EFHC1: variants seen among roughly 807,000 people sequenced by gnomAD.
EFHC1 encodes EF-hand domain-containing protein 1.
Under a neutral mutation model 69.9 loss-of-function variants are expected in EFHC1, and 53 were observed. The observed-to-expected ratio is 0.76, with a 90% CI of 0.61 to 0.95. The LOEUF is 0.95. EFHC1 is among the 40% of genes least tolerant of loss of function. The probability of loss-of-function intolerance (pLI) is 0.00; values close to 1 mark genes in which losing one functional copy is unlikely to be tolerated. For synonymous variants in EFHC1, 256 were observed against 278.4 expected (o/e 0.92, Z 0.80); for missense variants, 739 against 798.7 (o/e 0.93, Z 0.90).
At chr6:52,422,282 C>T (rs112344071) in intron 1 of EFHC1, among the ~76,000 whole-genome samples, 2 of 152,286 alleles carry the variant, frequency 1.3e-5, no homozygotes, top group African/African-American at 4.8e-5. Context: ...ACTGAAGTCA[C>T]TGATGTTGCT....
Position 52,469,439 on chromosome 6 carries a change from A to G in EFHC1, c.1244A>G (p.Asn415Ser), listed in dbSNP as rs560939768. ...AAAGACGTTATTAAAATGCTGGTGA[A>G]TGATAACAAGGTGCTTCGTTATTTG... ...PKKDVIKMLV[N>S]DNKVLRYLAV... The change falls in exon 7 of 11, where the codon AAT becomes AGT. Residue 415 changes from asparagine to serine, a missense_variant. Transcript: ENST00000371068. 6.2e-7 allele frequency: 1 copy of G among 1,614,026 alleles called. No homozygotes were observed. Among genetic ancestry groups the G allele is most frequent in the Admixed American group, 1.7e-5 (1 of 60,026 alleles).
chr6:52,424,721 C>T (rs1174503301), intron 2 of EFHC1, among the ~76,000 whole-genome samples: 2 of 152,158 alleles, frequency 1.3e-5, no homozygotes, highest in African/African-American at 4.8e-5. Flanking sequence ...TCCTCATTTC[C>T]ATCTATTGAC....
intron 7 of EFHC1, among the ~76,000 whole-genome samples, chr6:52,474,139 C>A (rs887727325): frequency 1.3e-5 from 2 of 151,970 alleles, no homozygotes; most frequent in Non-Finnish European, 2.9e-5. Context: ...ATAATGAGAC[C>A]CTATCGCTAC....
Position 52,468,332 on chromosome 6 carries a change from A to G in EFHC1, c.1138-1001A>G, listed in dbSNP as rs143122071. 698 of 152,310 alleles carry G rather than the reference A, an allele frequency of 4.6e-3. 1 individual carries two copies. The highest frequency in any genetic ancestry group is 6.9e-3 in the Non-Finnish European group (470 of 68,046). The allele number at this position is 152,310 out of a possible 1,614,324, so 9.4% of individuals were successfully genotyped here. A position where few individuals can be genotyped will look rare whatever the true frequency, so the allele number is the denominator to read the frequency against. On this transcript the variant is annotated intron_variant, in intron 6 of 10. Transcript: ENST00000371068. Reference sequence around the variant, plus strand: ...AGTCAGATGAGTGTTCATCTAGTTTACAACGGGACCCACCCAAGCAGTAGC... The same window carrying G: ...AGTCAGATGAGTGTTCATCTAGTTTGCAACGGGACCCACCCAAGCAGTAGC...
chr6:52,420,910 A>AC (rs369406500), intron 1 of EFHC1: 12 of 557,310 alleles, frequency 2.2e-5, no homozygotes, highest in Middle Eastern at 9.0e-4. Flanking sequence ...CGCCCTTAAA[A>AC]CCCCCCGCCA....
chr6:52,448,245 G>A (rs908190951), intron 3 of EFHC1, among the ~76,000 whole-genome samples: 4 of 152,246 alleles, frequency 2.6e-5, no homozygotes, highest in African/African-American at 9.6e-5. Flanking sequence ...CAGCTGCTTT[G>A]TTTAGCTGCT....
chr6:52,432,109 T>C (rs1012772291), intron 2 of EFHC1, among the ~76,000 whole-genome samples: 2 of 152,170 alleles, frequency 1.3e-5, no homozygotes, highest in African/African-American at 4.8e-5. Context: ...GGTGAGTCTC[T>C]TGAAGGCAGC....
At chr6:52,464,671 A>G (rs1342727364) in intron 5 of EFHC1, among the ~76,000 whole-genome samples, 1 of 152,230 alleles carries the variant, frequency 6.6e-6, no homozygotes, top group Admixed American at 6.5e-5. Flanking sequence ...TGAGCTGAAT[A>G]TGGGAGAGAG....
chr6:52,425,609 C>T (rs1038150559), intron 2 of EFHC1, among the ~76,000 whole-genome samples: 2 of 152,002 alleles, frequency 1.3e-5, no homozygotes, highest in African/African-American at 4.8e-5. Context: ...GGATAGTGCA[C>T]ATAAAAATAT....
At chr6:52,425,410 A>G (rs559246831) in intron 2 of EFHC1, among the ~76,000 whole-genome samples, 2 of 152,338 alleles carry the variant, frequency 1.3e-5, no homozygotes, top group South Asian at 4.1e-4. Context: ...TGAAAAGAAT[A>G]GTAAGTAACT....
intron 2 of EFHC1, among the ~76,000 whole-genome samples, chr6:52,432,081 A>G (rs1430455389): frequency 1.3e-5 from 2 of 152,074 alleles, no homozygotes; most frequent in Non-Finnish European, 2.9e-5. Flanking sequence ...TTAAATTTAC[A>G]TGAGTCCTTA....
intron 10 of EFHC1, chr6:52,490,774 G>A (rs953247403): frequency 1.2e-5 from 3 of 244,158 alleles, no homozygotes; most frequent in Non-Finnish European, 2.4e-5. Flanking sequence ...ACCACTGCAG[G>A]AGGGCTGTGG....
chr6:52,423,693 TAGA>T, intron 1 of EFHC1: 1 of 534,698 alleles, frequency 1.9e-6, no homozygotes, highest in Non-Finnish European at 3.2e-6. Context: ...TTAGTTTTTG[TAGA>T]GACAGCATCT....
rs754483740 is a variant in EFHC1 at position 52,469,409 on chromosome 6, C to CA, written c.1221dup (p.Asp408ArgfsTer4). The CA allele has an allele frequency of 5.0e-6, 8 of 1,613,634 alleles. No homozygotes were observed. In the African/African-American group the frequency reaches 5.3e-5, roughly 11 times the overall value. On this transcript the variant is annotated frameshift_variant, in exon 7 of 11. Transcript: ENST00000371068. LOFTEE classifies it high-confidence loss of function. ...TGTTTTGCTCTCATTCCAAAAGCTC[C>CA]AAAAAAAGACGTTATTAAAATGCTG...
intron 2 of EFHC1, chr6:52,437,441 T>C (rs183308784): frequency 2.6e-5 from 4 of 152,318 alleles, no homozygotes; most frequent in Admixed American, 2.6e-4. Flanking sequence ...TCAGCAAACT[T>C]TTTCTGTAAA....
chr6:52,454,501 A>C (rs1236424497), intron 5 of EFHC1, among the ~76,000 whole-genome samples: 1 of 152,182 alleles, frequency 6.6e-6, no homozygotes, highest in Non-Finnish European at 1.5e-5. Context: ...TCAAGGAAAC[A>C]AAACCAAAAC....
chr6:52,423,857 A>T (rs1328101407), intron 1 of EFHC1, 89 bp from the exon 2 acceptor site: 2 of 1,572,040 alleles, frequency 1.3e-6, no homozygotes, highest in East Asian at 2.4e-5. Context: ...ATAAGCAAAG[A>T]TTCAAGTTAT....
Position 52,494,283 on chromosome 6 carries a change from T to G in EFHC1, c.*1942T>G. The G allele has an allele frequency of 2.2e-6, 1 of 454,130 alleles. No homozygotes were observed. The highest frequency in any genetic ancestry group is 4.4e-6 in the Non-Finnish European group (1 of 226,798). 28.1% of individuals were successfully genotyped at this position (454,130 alleles called of 1,614,324 possible). A position where few individuals can be genotyped will look rare whatever the true frequency, so the allele number is the denominator to read the frequency against. On this transcript the variant is annotated 3_prime_UTR_variant, in exon 11 of 11. Transcript: ENST00000371068. ...TTTTTCAGCTTAAAAATTACCAAGC[T>G]CTATCCTACTTGGCCCAGCTCAGTC...
At position 52,465,078 on chromosome 6, in the gene EFHC1, T is replaced by C. The variant is rs1256596400; in HGVS notation, c.1100T>C (p.Ile367Thr). Residue 367 changes from isoleucine to threonine, a missense_variant, in exon 6 of 11, where the codon ATT (isoleucine) becomes ACT (threonine). Physicochemically the swap from Ile to Thr is moderately conservative, Grantham distance 89. Coordinates refer to ENST00000371068, the MANE Select transcript of EFHC1 (RefSeq NM_018100.4). ...EKFGITDLPR[I>T]DVSKREPPPV... ...TTTGGAATCACTGATTTACCACGTA[T>C]TGATGTGAGCAAGCGGGAACCACCT... 1.2e-6 allele frequency: 2 copies of C among 1,614,048 alleles called. No individual in the cohort carries two copies. The highest frequency in any genetic ancestry group is 1.7e-5 in the Admixed American group (1 of 60,030).
Sources: allele counts gnomAD v4.1 joint callset (sites outside exome capture counted in the v4.1 genomes callset), GRCh38; gene constraint gnomAD v4.1.1; transcripts MANE v1.5; gene names NCBI Gene and HGNC (gene_info 2026-07-23, HGNC 2026-07-21).